NHSL2: variants seen among roughly 807,000 people sequenced by gnomAD.
NHSL2 encodes NHS-like protein 2.
A neutral mutation model predicts 53.4 loss-of-function variants in NHSL2; 27 were observed. That is an observed-to-expected ratio of 0.51 (90% CI 0.37 to 0.70). The LOEUF (loss-of-function observed/expected upper bound fraction) is 0.70, where lower values mean the gene tolerates loss of function less well. Among genes scored for constraint, NHSL2 ranks in the 30% least tolerant of loss-of-function variants. The probability of loss-of-function intolerance (pLI) is 0.00; values close to 1 mark genes in which losing one functional copy is unlikely to be tolerated. For synonymous variants in NHSL2, 408 were observed against 404.1 expected, an observed-to-expected ratio of 1.01 and a Z score of -0.12; for missense variants, 892 against 980.1, an observed-to-expected ratio of 0.91 and a Z score of 1.20.
rs147101276 is a variant in NHSL2 at position 72,116,433 on chromosome X, T to C, written c.281-15646T>C. On this transcript the variant is annotated intron_variant, in intron 1 of 7. Transcript: ENST00000633930. Reference sequence around the variant, plus strand: ...CACATAAACAAGGTGAAATTATGGATGGTTTCTTTCTCTAATCACAAACCT... The same window carrying C: ...CACATAAACAAGGTGAAATTATGGACGGTTTCTTTCTCTAATCACAAACCT... 1.2e-4 allele frequency among the ~76,000 whole-genome samples: 14 copies of C among 112,778 alleles called. 1 individual carries two copies. The East Asian group carries it at 3.9e-3, about 31-fold the overall frequency.
At chrX:72,001,084 G>A (rs1455561661) in intron 1 of NHSL2, among the ~76,000 whole-genome samples, 1 of 112,257 alleles carries the variant, frequency 8.9e-6, no homozygotes, top group Non-Finnish European at 1.9e-5. Flanking sequence ...TCCCTTTGGA[G>A]TAAGATGCCC....
chrX:71,948,656 C>A (rs1240489568), intron 1 of NHSL2, among the ~76,000 whole-genome samples: 1 of 109,375 alleles, frequency 9.1e-6, no homozygotes, highest in Non-Finnish European at 1.9e-5. Flanking sequence ...ATGGTGAAAC[C>A]CCGTCTGTAC....
At chrX:71,977,571 C>T (rs957273753) in intron 1 of NHSL2, among the ~76,000 whole-genome samples, 5 of 110,770 alleles carry the variant, frequency 4.5e-5, no homozygotes, top group Non-Finnish European at 9.4e-5. Flanking sequence ...CAGGTGTGTG[C>T]CACCATGCCC....
intron 1 of NHSL2, among the ~76,000 whole-genome samples, chrX:72,065,374 G>T (rs764621857): frequency 4.4e-5 from 5 of 112,392 alleles, no homozygotes; most frequent in Admixed American, 2.8e-4. Context: ...TCATGAATAC[G>T]TGGAAGATTT....
At position 72,144,135 on chromosome X, in the gene NHSL2, A is replaced by T; in HGVS notation, c.*561A>T. 1 of 131,592 alleles carries T rather than the reference A, an allele frequency of 7.6e-6. No individual in the cohort carries two copies. The allele number at this position is 131,592 out of a possible 1,213,427, so 10.8% of individuals were successfully genotyped here. A position where few individuals can be genotyped will look rare whatever the true frequency, so the allele number is the denominator to read the frequency against. On this transcript the variant is annotated 3_prime_UTR_variant, in exon 8 of 8. Coordinates refer to ENST00000633930, the MANE Select transcript of NHSL2 (RefSeq NM_001013627.3). ...GTGCACTTATTTCGGCATGAGGTTGATTGGATGGCTTTTGTGGTGCAAAAT... is the reference window on the plus strand; with the variant it reads ...GTGCACTTATTTCGGCATGAGGTTGTTTGGATGGCTTTTGTGGTGCAAAAT...
chrX:72,082,826 C>T (rs753205921), intron 1 of NHSL2, among the ~76,000 whole-genome samples: 9 of 112,345 alleles, frequency 8.0e-5, no homozygotes, highest in African/African-American at 9.7e-5. Context: ...GGCTGAAGAG[C>T]GCAGCAGTTT....
intron 1 of NHSL2, among the ~76,000 whole-genome samples, chrX:71,975,574 GCCCATT>G (rs2041944717): frequency 9.0e-6 from 1 of 110,706 alleles, no homozygotes; most frequent in Admixed American, 9.7e-5. Flanking sequence ...TTATCTCCAG[GCCCATT>G]CCCTGCCCCT....
chrX:72,151,830 C>G lies in NHSL2; in HGVS notation c.*8256C>G, dbSNP rs12839832. ...CGTTGGAAAGTCTGGCAGCCCAGGCCATAGGATTCCAGTTCAGCCTACGAT... is the reference window on the plus strand; with the variant it reads ...CGTTGGAAAGTCTGGCAGCCCAGGCGATAGGATTCCAGTTCAGCCTACGAT... On this transcript the variant is annotated 3_prime_UTR_variant, in exon 8 of 8. Transcript: ENST00000633930. 8.9e-6 allele frequency: 1 copy of G among 112,403 alleles called. No homozygotes were observed. The highest frequency in any genetic ancestry group is 1.9e-5 in the Non-Finnish European group (1 of 53,291). 9.3% of individuals were successfully genotyped at this position (112,403 alleles called of 1,213,427 possible).
Position 71,911,135 on chromosome X carries a change from C to A in NHSL2, c.48C>A (p.Arg16=), listed in dbSNP as rs769187533. 9.0e-7 allele frequency: 1 copy of A among 1,114,435 alleles called. No homozygotes were observed. Among genetic ancestry groups the A allele is most frequent in the Non-Finnish European group, 1.2e-6 (1 of 851,577 alleles). 91.8% of individuals were successfully genotyped at this position (1,114,435 alleles called of 1,213,427 possible). The change falls in exon 1 of 8, where the codon CGC becomes CGA. Residue 16 remains arginine, a synonymous_variant. Coordinates refer to ENST00000633930, the MANE Select transcript of NHSL2 (RefSeq NM_001013627.3). ...RTVVPQRLCP[R]NPPQQLAELR... Reference sequence around the variant, plus strand: ...TGGTACCCCAGCGCCTGTGCCCGCGCAACCCGCCGCAGCAGCTGGCGGAGC... The same window carrying A: ...TGGTACCCCAGCGCCTGTGCCCGCGAAACCCGCCGCAGCAGCTGGCGGAGC...
At chrX:72,000,620 C>T (rs1465386782) in intron 1 of NHSL2, among the ~76,000 whole-genome samples, 4 of 111,793 alleles carry the variant, frequency 3.6e-5, no homozygotes, top group Non-Finnish European at 7.5e-5. Flanking sequence ...CCTTTTCCAG[C>T]GTGTAGTGGC....
chrX:71,987,348 G>T (rs1602296446), intron 1 of NHSL2, among the ~76,000 whole-genome samples: 1 of 112,740 alleles, frequency 8.9e-6, no homozygotes, highest in East Asian at 2.8e-4. Context: ...CTGGAGTCTA[G>T]AACATCAGAC....
At chrX:72,125,348 C>T (rs1285578875) in intron 1 of NHSL2, among the ~76,000 whole-genome samples, 3 of 111,827 alleles carry the variant, frequency 2.7e-5, no homozygotes, top group Admixed American at 1.9e-4. Flanking sequence ...CAGGCTGCCT[C>T]TAGGTCTCCA....
At chrX:71,978,937 G>A (rs1216099889) in intron 1 of NHSL2, among the ~76,000 whole-genome samples, 1 of 70,854 alleles carries the variant, frequency 1.4e-5, no homozygotes, top group Non-Finnish European at 2.5e-5. Context: ...ACAGTCCCCA[G>A]TGTGTGATGT....
rs113672056 is a variant in NHSL2, at chrX:72,011,908, T to C, written c.280+100541T>C. ...GTTTCATGAGCTTCTTTGCCATCTG[T>C]ATATCTTCTTCAGTGACTTGTCTAT... On this transcript the variant is annotated intron_variant, in intron 1 of 7. Coordinates refer to ENST00000633930, the MANE Select transcript of NHSL2 (RefSeq NM_001013627.3). Among the ~76,000 whole-genome samples the C allele has an allele frequency of 4.9e-3, 549 of 112,286 alleles. 3 individuals are homozygous for C. The highest frequency in any genetic ancestry group is 0.017 in the African/African-American group (522 of 30,898).
intron 1 of NHSL2, among the ~76,000 whole-genome samples, chrX:72,073,711 A>G (rs2041718973): frequency 8.9e-6 from 1 of 112,447 alleles, no homozygotes; most frequent in Non-Finnish European, 1.9e-5. Context: ...ATAACAAGGA[A>G]GTTGTAGAGC....
intron 1 of NHSL2, among the ~76,000 whole-genome samples, chrX:72,041,939 G>A (rs2042276397): frequency 8.9e-6 from 1 of 112,160 alleles, no homozygotes; most frequent in South Asian, 3.7e-4. Context: ...GCGCTCGGGA[G>A]CCACCCACGC....
chrX:72,140,536 G>A lies in NHSL2; in HGVS notation c.2988G>A (p.Lys996=), dbSNP rs2042408594. Residue 996 remains lysine (K), a synonymous_variant, in exon 6 of 8, where the codon AAG becomes AAA. Transcript: ENST00000633930. The part of the protein sequence containing the change: ...SLQSQEEAEK[K]KGKIPPPVPK... Reference sequence around the variant, plus strand: ...AGAGCCAGGAAGAAGCTGAGAAAAAGAAAGGCAAGATTCCACCTCCCGTAC... The same window carrying A: ...AGAGCCAGGAAGAAGCTGAGAAAAAAAAAGGCAAGATTCCACCTCCCGTAC... The A allele has an allele frequency of 1.7e-6, 2 of 1,211,390 alleles. No individual in the cohort carries two copies. The highest frequency in any genetic ancestry group is 2.2e-6 in the Non-Finnish European group (2 of 895,287).
At chrX:71,934,570 T>G (rs1409149617) in intron 1 of NHSL2, among the ~76,000 whole-genome samples, 1 of 111,697 alleles carries the variant, frequency 9.0e-6, no homozygotes, top group African/African-American at 3.3e-5. Context: ...AAAAGAGGTA[T>G]AGGATCTGAC....
intron 1 of NHSL2, among the ~76,000 whole-genome samples, chrX:72,070,888 G>A (rs1351108077): frequency 2.7e-5 from 3 of 111,802 alleles, no homozygotes; most frequent in Middle Eastern, 4.6e-3. Context: ...TTTGACTCAC[G>A]TTTACCATAA....
Sources: allele counts gnomAD v4.1 joint callset (sites outside exome capture counted in the v4.1 genomes callset), GRCh38; gene constraint gnomAD v4.1.1; transcripts MANE v1.5; gene names NCBI Gene and HGNC (gene_info 2026-07-23, HGNC 2026-07-21).